Variants in FOCAD observed in about 807,000 individuals in gnomAD.
FOCAD encodes KIAA1797.
In FOCAD, 198 loss-of-function variants were observed where a neutral mutation model predicts 225.6. The observed-to-expected ratio is 0.88, with a 90% CI of 0.78 to 0.99. The LOEUF (loss-of-function observed/expected upper bound fraction) is 0.99. Among genes scored for constraint, FOCAD ranks in the 50% least tolerant of loss-of-function variants. The pLI is 0.00. For missense variants in FOCAD, 2,713 were observed against 2,123.6 expected (o/e 1.28, Z -5.46); for synonymous variants, 897 against 755.0 (o/e 1.19, Z -3.08).
chr9:20,901,319 A>G (rs7873676), intron 21 of FOCAD, among the ~76,000 whole-genome samples: 94,777 of 150,892 alleles, frequency 0.63, 30,045 homozygotes, highest in African/African-American at 0.7. Flanking sequence ...TGATAATAAC[A>G]TTTACATGTG....
At chr9:20,957,029 C>T (rs766710734) in intron 35 of FOCAD, among the ~76,000 whole-genome samples, 3 of 152,110 alleles carry the variant, frequency 2.0e-5, no homozygotes, top group African/African-American at 4.8e-5. Flanking sequence ...TATAAACTTT[C>T]CCTGTTTTCA....
chr9:20,708,538 G>C (rs1309093920), intron 1 of FOCAD, among the ~76,000 whole-genome samples: 1 of 152,116 alleles, frequency 6.6e-6, no homozygotes, highest in African/African-American at 2.4e-5. Context: ...GGAGGCTGAG[G>C]GTGGGAGGAT....
At chr9:20,832,191 G>T (rs916020614) in intron 15 of FOCAD, among the ~76,000 whole-genome samples, 1 of 151,736 alleles carries the variant, frequency 6.6e-6, no homozygotes, top group African/African-American at 2.4e-5. Flanking sequence ...CCTTTTTTTG[G>T]TGTATATCTA....
chr9:20,823,136 T>C, intron 15 of FOCAD, 21 bp downstream of exon 15: 2 of 1,596,174 alleles, frequency 1.3e-6, no homozygotes, highest in African/African-American at 1.4e-5. Flanking sequence ...TTAAATTGCT[T>C]TGGATAATTT....
At chr9:20,721,887 TCCTCCCCCTCCCCTCCCTTTC>T (rs1825798403) in intron 4 of FOCAD, among the ~76,000 whole-genome samples, 5 of 1,858 alleles carry the variant, frequency 2.7e-3, no homozygotes, top group African/African-American at 4.4e-3. Flanking sequence ...CCCCTCCCCT[TCCTCCCCCTCCCCTCCCTTTC>T]CTTTTCCTTC....
chr9:20,934,515 G>GTT (rs113543089), intron 28 of FOCAD, among the ~76,000 whole-genome samples: 1 of 146,662 alleles, frequency 6.8e-6, no homozygotes, highest in African/African-American at 2.5e-5. Flanking sequence ...CCCACTTGAT[G>GTT]TTTTTTTTTC....
At chr9:20,855,496 T>G (rs1209691395) in intron 15 of FOCAD, among the ~76,000 whole-genome samples, 2 of 151,714 alleles carry the variant, frequency 1.3e-5, no homozygotes, top group Non-Finnish European at 3.0e-5. Flanking sequence ...GTTGTATATA[T>G]TTATGGGATA....
intron 19 of FOCAD, among the ~76,000 whole-genome samples, chr9:20,877,881 C>T (rs975487378): frequency 4.6e-5 from 7 of 152,054 alleles, no homozygotes; most frequent in African/African-American, 1.2e-4. Context: ...GCACTCCAGT[C>T]TGGGCAACAG....
intron 22 of FOCAD, 26 bp downstream of exon 22, chr9:20,907,268 C>G (rs757037272): frequency 1.1e-5 from 17 of 1,585,496 alleles, no homozygotes; most frequent in Admixed American, 3.4e-5. Flanking sequence ...GATAGGTTTG[C>G]TTTGGCGAAA....
At chr9:20,876,809 C>A (rs142366716) in intron 19 of FOCAD, among the ~76,000 whole-genome samples, 1 of 152,166 alleles carries the variant, frequency 6.6e-6, no homozygotes, top group East Asian at 1.9e-4. Flanking sequence ...TATTAGTCAC[C>A]AAATGCTACA....
At chr9:20,950,920 C>A in intron 33 of FOCAD, 76 bp from the exon 34 acceptor site, 1 of 1,304,568 alleles carries the variant, frequency 7.7e-7, no homozygotes, top group Non-Finnish European at 1.1e-6. Context: ...TGACTGGTGA[C>A]TTTCTGTGAG....
At chr9:20,679,112 A>AGTCTGT in intron 2 of FOCAD, among the ~76,000 whole-genome samples, 1 of 124,678 alleles carries the variant, frequency 8.0e-6, no homozygotes. Context: ...GGCAACAGAC[A>AGTCTGT]GTCTGTGTAT....
At chr9:20,929,645 A>C (rs199780656) in intron 27 of FOCAD, 49 bp downstream of exon 27, 31 of 1,567,258 alleles carry the variant, frequency 2.0e-5, no homozygotes, top group Non-Finnish European at 2.7e-5. Flanking sequence ...GATTTTTTGC[A>C]AAGGATTTTG....
In FOCAD at chr9:20,823,057, A is replaced by G. The variant is rs760871896; in HGVS notation, c.1862A>G (p.Asp621Gly). 6.2e-7 allele frequency: 1 copy of G among 1,610,064 alleles called. No individual in the cohort carries two copies. Among genetic ancestry groups the G allele is most frequent in the South Asian group, 1.1e-5 (1 of 90,608 alleles). The change falls in exon 15 of 44, where the codon GAT becomes GGT. Residue 621 changes from aspartate (D) to glycine (G), a missense_variant. Transcript: ENST00000338382. ...GTGTTGAATGAATGCACCAAGCCTGATCAAGCTACTCCAGCAGCCTTGGTA... is the reference window on the plus strand; with the variant it reads ...GTGTTGAATGAATGCACCAAGCCTGGTCAAGCTACTCCAGCAGCCTTGGTA... ...SQVLNECTKP[D>G]QATPAALVLQ...
intron 19 of FOCAD, among the ~76,000 whole-genome samples, chr9:20,877,659 G>C (rs1349144623): frequency 6.6e-6 from 1 of 152,118 alleles, no homozygotes; most frequent in Non-Finnish European, 1.5e-5. Flanking sequence ...GAAATACTCT[G>C]ATGCACAACT....
intron 11 of FOCAD, among the ~76,000 whole-genome samples, chr9:20,802,764 T>C (rs1161621471): frequency 6.6e-6 from 1 of 152,140 alleles, no homozygotes; most frequent in African/African-American, 2.4e-5. Flanking sequence ...TAATTTGATA[T>C]AGGCGGAATT....
At chr9:20,762,127 A>G (rs1053419753) in intron 6 of FOCAD, among the ~76,000 whole-genome samples, 1 of 152,222 alleles carries the variant, frequency 6.6e-6, no homozygotes, top group Non-Finnish European at 1.5e-5. Context: ...AAGAAAACCG[A>G]TAAGCCATCC....
At chr9:20,661,939 T>A (rs1272639316) in intron 2 of FOCAD, among the ~76,000 whole-genome samples, 1 of 152,158 alleles carries the variant, frequency 6.6e-6, no homozygotes, top group Non-Finnish European at 1.5e-5. Flanking sequence ...ATTCTTTATA[T>A]ATTGACATGA....
At chr9:20,739,204 A>G (rs1179625864) in intron 4 of FOCAD, among the ~76,000 whole-genome samples, 1 of 152,230 alleles carries the variant, frequency 6.6e-6, no homozygotes, top group East Asian at 1.9e-4. Flanking sequence ...GTTAACATTG[A>G]TTTCTAATCA....
Sources: allele counts gnomAD v4.1 joint callset (sites outside exome capture counted in the v4.1 genomes callset), GRCh38; gene constraint gnomAD v4.1.1; transcripts MANE v1.5; gene names NCBI Gene and HGNC (gene_info 2026-07-23, HGNC 2026-07-21).